The following TANGO6 variants were observed in gnomAD, a reference collection of about 807,000 sequenced individuals.
TANGO6 encodes the protein transport and golgi organization 6 homolog, also known as transport and Golgi organization protein 6 homolog.
A neutral mutation model predicts 114.2 loss-of-function variants in TANGO6; 90 were observed. The observed-to-expected ratio is 0.79, with a 90% CI of 0.66 to 0.94. The LOEUF (loss-of-function observed/expected upper bound fraction) is 0.94, where lower values mean the gene tolerates loss of function less well. Among genes scored for constraint, TANGO6 ranks in the 40% least tolerant of loss-of-function variants. The probability of loss-of-function intolerance (pLI) is 0.00; values close to 1 mark genes in which losing one functional copy is unlikely to be tolerated. For missense variants in TANGO6, 1,274 were observed against 1,315.3 expected (o/e 0.97, Z 0.49); for synonymous variants, 477 against 509.8 (o/e 0.94, Z 0.87).
chr16:69,054,834 G>C (rs1163207435), intron 17 of TANGO6, among the ~76,000 whole-genome samples: 1 of 151,278 alleles, frequency 6.6e-6, no homozygotes, highest in Admixed American at 6.6e-5. Context: ...CCAGCCATTC[G>C]GGAGCCTGAG....
intron 6 of TANGO6, 39 bp from the exon 7 acceptor site, chr16:68,880,509 G>C: frequency 6.8e-7 from 1 of 1,467,252 alleles, no homozygotes. Flanking sequence ...TATTCAGTGA[G>C]GCACTAAATA....
intron 14 of TANGO6, among the ~76,000 whole-genome samples, chr16:68,963,020 G>T (rs1963609186): frequency 6.6e-6 from 1 of 150,856 alleles, no homozygotes; most frequent in Non-Finnish European, 1.5e-5. Flanking sequence ...CATGAACCCG[G>T]GAGGCAGAGC....
intron 15 of TANGO6, among the ~76,000 whole-genome samples, chr16:69,012,793 CAG>C (rs1401218169): frequency 1.3e-5 from 2 of 152,010 alleles, no homozygotes; most frequent in Non-Finnish European, 2.9e-5. Context: ...TTGCCCTTGT[CAG>C]GGGACAAATG....
intron 15 of TANGO6, among the ~76,000 whole-genome samples, chr16:69,004,917 G>T (rs767454515): frequency 6.6e-5 from 10 of 152,154 alleles, no homozygotes; most frequent in Non-Finnish European, 1.5e-4. Context: ...TACAGAAAAT[G>T]ATAACTTTAG....
At chr16:68,941,546 C>G (rs571453936) in intron 14 of TANGO6, among the ~76,000 whole-genome samples, 252 of 152,050 alleles carry the variant, frequency 1.7e-3, no homozygotes, top group Admixed American at 4.2e-3. Flanking sequence ...GAGTTTGAGA[C>G]CAGCCTGGCC....
chr16:69,054,069 G>GA (rs897406783), intron 17 of TANGO6, among the ~76,000 whole-genome samples: 154 of 147,762 alleles, frequency 1.0e-3, no homozygotes, highest in African/African-American at 3.5e-3. Flanking sequence ...TGTCTCAAAA[G>GA]AAAAAAAAAA....
chr16:68,957,121 A>C (rs1361138148), intron 14 of TANGO6, among the ~76,000 whole-genome samples: 2 of 152,020 alleles, frequency 1.3e-5, no homozygotes, highest in Admixed American at 1.3e-4. Context: ...TTTTTTAATA[A>C]TTAAAAAATA....
rs182636642 is a variant in TANGO6, at chr16:68,876,413, G to A, written c.1131+1123G>A. Among the ~76,000 whole-genome samples, 671 of 152,052 alleles carry A rather than the reference G, an allele frequency of 4.4e-3. 1 individual carries two copies. Among genetic ancestry groups the A allele is most frequent in the Middle Eastern group, 0.01 (3 of 292 alleles). ...TGACCTCAGGTGATCCGCCTGCCTC[G>A]GCCTCCCGAAGTGCTGGGATTATAG... On this transcript the variant is annotated intron_variant, in intron 5 of 17. Transcript: ENST00000261778.
intron 15 of TANGO6, among the ~76,000 whole-genome samples, chr16:68,998,517 G>A (rs887954122): frequency 2.6e-5 from 4 of 152,048 alleles, no homozygotes; most frequent in Admixed American, 6.6e-5. Flanking sequence ...AGATCACAAG[G>A]TGAGGAGTTC....
intron 17 of TANGO6, among the ~76,000 whole-genome samples, chr16:69,049,125 A>T (rs934594407): frequency 6.6e-6 from 1 of 152,222 alleles, no homozygotes; most frequent in Non-Finnish European, 1.5e-5. Flanking sequence ...TTCAAAGTAT[A>T]TAATTCTGCA....
chr16:68,926,137 G>A (rs1963164799), intron 12 of TANGO6, among the ~76,000 whole-genome samples: 1 of 151,940 alleles, frequency 6.6e-6, no homozygotes, highest in South Asian at 2.1e-4. Context: ...CTTTAAAAAA[G>A]TCCATGATAC....
At chr16:69,045,303 G>T (rs1158010512) in intron 17 of TANGO6, among the ~76,000 whole-genome samples, 1 of 148,410 alleles carries the variant, frequency 6.7e-6, no homozygotes, top group Non-Finnish European at 1.5e-5. Context: ...AATTAGCCGG[G>T]TGTGGTGGCG....
At chr16:69,077,722 G>A (rs1344380898) in intron 17 of TANGO6, among the ~76,000 whole-genome samples, 3 of 151,994 alleles carry the variant, frequency 2.0e-5, no homozygotes, top group South Asian at 4.1e-4. Flanking sequence ...CCAGCTACTC[G>A]GGAGGCTGAG....
intron 17 of TANGO6, among the ~76,000 whole-genome samples, chr16:69,042,122 G>A (rs552068598): frequency 6.6e-6 from 1 of 152,330 alleles, no homozygotes; most frequent in East Asian, 1.9e-4. Context: ...GCCTGACAAT[G>A]TATTTAGTTG....
rs966832892 is a variant in TANGO6 at position 68,879,152 on chromosome 16, T to G, written c.1294+872T>G. Among the ~76,000 whole-genome samples, 5 of 152,252 alleles carry G rather than the reference T, an allele frequency of 3.3e-5. No homozygotes were observed. In the East Asian group the frequency reaches 9.6e-4, roughly 29 times the overall value. ...CTTATTATAAAACTTTAAAAACTTT[T>G]TTTTAAATTTTTATTTCTGTATTGT... On this transcript the variant is annotated intron_variant, in intron 6 of 17. Transcript: ENST00000261778.
chr16:69,041,946 A>G (rs1959780435), intron 17 of TANGO6, among the ~76,000 whole-genome samples: 1 of 152,174 alleles, frequency 6.6e-6, no homozygotes, highest in Non-Finnish European at 1.5e-5. Flanking sequence ...AGCTCTGGCC[A>G]TTGTGAATGA....
At chr16:68,882,496 C>CA (rs759095866) in intron 7 of TANGO6, among the ~76,000 whole-genome samples, 1,487 of 121,520 alleles carry the variant, frequency 0.012, 37 homozygotes, top group East Asian at 0.066. Flanking sequence ...GACTCCGTCT[C>CA]AAAAAAAAAA....
intron 7 of TANGO6, among the ~76,000 whole-genome samples, chr16:68,883,848 G>A (rs184544177): frequency 4.6e-5 from 7 of 152,210 alleles, no homozygotes; most frequent in East Asian, 3.9e-4. Context: ...TGCTTTAAGC[G>A]TTCTGCATGG....
At chr16:69,063,876 G>A (rs544360387) in intron 17 of TANGO6, among the ~76,000 whole-genome samples, 4 of 149,280 alleles carry the variant, frequency 2.7e-5, no homozygotes, top group East Asian at 2.0e-4. Flanking sequence ...AGCCTCTGTC[G>A]CCCAGACTGG....
Sources: allele counts gnomAD v4.1 joint callset (sites outside exome capture counted in the v4.1 genomes callset), GRCh38; gene constraint gnomAD v4.1.1; transcripts MANE v1.5; gene names NCBI Gene and HGNC (gene_info 2026-07-23, HGNC 2026-07-21).